Variants in CDH12 observed in about 807,000 individuals in gnomAD.
CDH12 encodes the protein cadherin-12.
In CDH12, 41 loss-of-function variants were observed where a neutral mutation model predicts 74.1. The ratio of observed to expected loss-of-function variants is 0.55; its 90% CI spans 0.43 to 0.72. The LOEUF (loss-of-function observed/expected upper bound fraction) is 0.72, where lower values mean the gene tolerates loss of function less well. Ranked by LOEUF, CDH12 falls within the 30% of genes least tolerant of loss-of-function variation. The pLI is 0.00. For synonymous variants in CDH12, 399 were observed against 355.0 expected (o/e 1.12, Z -1.39); for missense variants, 945 against 977.2 (o/e 0.97, Z 0.44).
At chr5:22,569,205 T>C (rs1313459369) in intron 1 of CDH12, among the ~76,000 whole-genome samples, 1 of 152,228 alleles carries the variant, frequency 6.6e-6, no homozygotes, top group Non-Finnish European at 1.5e-5. Flanking sequence ...TTCTCAGTGA[T>C]GAAGGCAGAG....
At chr5:22,699,819 T>C (rs934092149) in intron 1 of CDH12, among the ~76,000 whole-genome samples, 1 of 152,166 alleles carries the variant, frequency 6.6e-6, no homozygotes, top group African/African-American at 2.4e-5. Flanking sequence ...TAAAATTTAA[T>C]TCAAAATAGG....
intron 3 of CDH12, among the ~76,000 whole-genome samples, chr5:22,369,729 A>G (rs1474803333): frequency 1.3e-5 from 2 of 152,198 alleles, no homozygotes; most frequent in Non-Finnish European, 2.9e-5. Flanking sequence ...GCAATTTGCT[A>G]AATTTGAAGA....
At chr5:22,486,731 G>A (rs1232313654) in intron 2 of CDH12, among the ~76,000 whole-genome samples, 1 of 152,046 alleles carries the variant, frequency 6.6e-6, no homozygotes, top group African/African-American at 2.4e-5. Flanking sequence ...GGGATTACAG[G>A]CATGAGCCAC....
intron 1 of CDH12, among the ~76,000 whole-genome samples, chr5:22,784,064 A>G (rs1747511410): frequency 6.6e-6 from 1 of 152,070 alleles, no homozygotes; most frequent in South Asian, 2.1e-4. Context: ...CTATATATTT[A>G]TATAAAGAAT....
intron 5 of CDH12, among the ~76,000 whole-genome samples, chr5:21,976,327 G>T (rs1757068930): frequency 6.6e-6 from 1 of 152,068 alleles, no homozygotes. Flanking sequence ...GAGAACTAAA[G>T]AGTAGAGAGA....
At chr5:22,422,754 T>C (rs371189792) in intron 2 of CDH12, among the ~76,000 whole-genome samples, 5 of 152,202 alleles carry the variant, frequency 3.3e-5, no homozygotes, top group African/African-American at 1.2e-4. Flanking sequence ...AAGTTACAGA[T>C]GGGCATTCAT....
chr5:22,483,401 G>T (rs1488594904), intron 2 of CDH12, among the ~76,000 whole-genome samples: 1 of 151,818 alleles, frequency 6.6e-6, no homozygotes, highest in African/African-American at 2.4e-5. Context: ...TCTAGGTATT[G>T]GGAATACAGC....
intron 6 of CDH12, among the ~76,000 whole-genome samples, chr5:21,971,435 A>G (rs982374619): frequency 6.6e-6 from 1 of 152,130 alleles, no homozygotes; most frequent in African/African-American, 2.4e-5. Flanking sequence ...GTTAGATCAC[A>G]TGGCACCTGA....
chr5:22,228,874 A>T (rs1259275418), intron 3 of CDH12, among the ~76,000 whole-genome samples: 1 of 152,148 alleles, frequency 6.6e-6, no homozygotes, highest in Non-Finnish European at 1.5e-5. Flanking sequence ...AGATAAAATA[A>T]ATTAATCAAA....
At chr5:22,848,396 A>C (rs1308951250) in intron 1 of CDH12, among the ~76,000 whole-genome samples, 1 of 152,152 alleles carries the variant, frequency 6.6e-6, no homozygotes, top group Non-Finnish European at 1.5e-5. Flanking sequence ...TTAATAGCCT[A>C]TTCTTTCCTT....
At chr5:22,192,222 C>T (rs1750349208) in intron 4 of CDH12, among the ~76,000 whole-genome samples, 2 of 152,138 alleles carry the variant, frequency 1.3e-5, no homozygotes, top group African/African-American at 2.4e-5. Context: ...GCATGAGTCA[C>T]CATGCCTGGC....
At chr5:21,913,612 AAT>A (rs1185468923) in intron 6 of CDH12, among the ~76,000 whole-genome samples, 1 of 152,130 alleles carries the variant, frequency 6.6e-6, no homozygotes, top group Non-Finnish European at 1.5e-5. Context: ...ACATATATAA[AAT>A]ATTATACATA....
chr5:21,972,115 A>G (rs1419808639), intron 6 of CDH12, among the ~76,000 whole-genome samples: 1 of 152,150 alleles, frequency 6.6e-6, no homozygotes, highest in Non-Finnish European at 1.5e-5. Context: ...TTTTCATTGC[A>G]GGTTTATTTG....
At chr5:22,467,474 T>A (rs1480246610) in intron 2 of CDH12, among the ~76,000 whole-genome samples, 1 of 152,158 alleles carries the variant, frequency 6.6e-6, no homozygotes, top group Non-Finnish European at 1.5e-5. Flanking sequence ...CTGCATACTT[T>A]GCATTACATT....
At chr5:21,780,488 C>T (rs1430445473) in intron 11 of CDH12, among the ~76,000 whole-genome samples, 1 of 152,220 alleles carries the variant, frequency 6.6e-6, no homozygotes, top group Non-Finnish European at 1.5e-5. Flanking sequence ...AATCAATAAA[C>T]TGTCTGAGAC....
intron 3 of CDH12, among the ~76,000 whole-genome samples, chr5:22,369,568 CT>C (rs1157540800): frequency 6.6e-6 from 1 of 152,112 alleles, no homozygotes; most frequent in Non-Finnish European, 1.5e-5. Flanking sequence ...TATTTGACTT[CT>C]TAAATGCATT....
At chr5:22,516,151 G>T (rs1561461385) in intron 1 of CDH12, among the ~76,000 whole-genome samples, 1 of 152,046 alleles carries the variant, frequency 6.6e-6, no homozygotes, top group African/African-American at 2.4e-5. Context: ...AACTAAGATG[G>T]CAAGATAAAA....
chr5:21,999,379 C>T (rs997773383), intron 5 of CDH12, among the ~76,000 whole-genome samples: 1 of 152,106 alleles, frequency 6.6e-6, no homozygotes, highest in Non-Finnish European at 1.5e-5. Context: ...GGTCTAAAAG[C>T]AAATGAAAAT....
At chr5:22,118,350 G>T (rs1039237800) in intron 4 of CDH12, among the ~76,000 whole-genome samples, 1 of 151,902 alleles carries the variant, frequency 6.6e-6, no homozygotes, top group African/African-American at 2.4e-5. Context: ...TCAGTGTATT[G>T]TTTCAGCCTT....
Sources: allele counts gnomAD v4.1 joint callset (sites outside exome capture counted in the v4.1 genomes callset), GRCh38; gene constraint gnomAD v4.1.1; transcripts MANE v1.5; gene names NCBI Gene and HGNC (gene_info 2026-07-23, HGNC 2026-07-21).